UNC5C: variants seen among roughly 807,000 people sequenced by gnomAD.
UNC5C encodes the protein unc-5 netrin receptor C, also known as netrin receptor UNC5C.
Under a neutral mutation model 99.8 loss-of-function variants are expected in UNC5C, and 47 were observed. That is an observed-to-expected ratio of 0.47 (90% CI 0.37 to 0.60). UNC5C has a LOEUF of 0.60. UNC5C is among the 20% of genes least tolerant of loss of function. UNC5C has a pLI of 0.00. For missense variants in UNC5C, 1,062 were observed against 1,165.9 expected (o/e 0.91, Z 1.30); for synonymous variants, 487 against 452.2 (o/e 1.08, Z -0.98).
chr4:95,374,712 G>A (rs931206974), intron 1 of UNC5C, among the ~76,000 whole-genome samples: 1 of 152,142 alleles, frequency 6.6e-6, no homozygotes, highest in African/African-American at 2.4e-5. Flanking sequence ...GGACCCTCTG[G>A]AGAGGGAGGC....
chr4:95,379,899 T>C (rs181219832), intron 1 of UNC5C, among the ~76,000 whole-genome samples: 1 of 151,958 alleles, frequency 6.6e-6, no homozygotes, highest in Non-Finnish European at 1.5e-5. Flanking sequence ...TAGAGAAGGG[T>C]TGTTAGTTTG....
At chr4:95,399,750 T>C (rs930952922) in intron 1 of UNC5C, among the ~76,000 whole-genome samples, 2 of 152,224 alleles carry the variant, frequency 1.3e-5, no homozygotes, top group African/African-American at 4.8e-5. Flanking sequence ...TTCAAAGTAC[T>C]TTTTCTTATT....
At chr4:95,365,497 T>C (rs866389385) in intron 1 of UNC5C, among the ~76,000 whole-genome samples, 1 of 150,470 alleles carries the variant, frequency 6.6e-6, no homozygotes. Context: ...TTAAAATATA[T>C]CACTAAAAGT....
chr4:95,315,339 C>T (rs1481832534), intron 2 of UNC5C, among the ~76,000 whole-genome samples: 1 of 152,148 alleles, frequency 6.6e-6, no homozygotes, highest in Non-Finnish European at 1.5e-5. Context: ...TTCAGGGCAG[C>T]TCTTCCTGCC....
chr4:95,236,579 T>A (rs1291201921), intron 7 of UNC5C, among the ~76,000 whole-genome samples: 2 of 144,562 alleles, frequency 1.4e-5, no homozygotes, highest in Admixed American at 7.1e-5. Context: ...ACTTAAAGTA[T>A]AATAATAAAA....
rs1464583952 is a variant in UNC5C at position 95,219,091 on chromosome 4, G to A, written c.1523C>T (p.Ser508Leu). Residue 508 changes from serine (S) to leucine (L), a missense_variant, in exon 9 of 16, where the codon TCG becomes TTG. Ser to Leu is a moderately radical substitution (Grantham distance 145). Around this residue, in one of 3 missense-constraint regions of UNC5C, gnomAD observed 810 missense variants for 854.5 expected, o/e 0.95. Transcript: ENST00000453304. Reference sequence around the variant, plus strand: ...GCTGAGGGCTTCATTCTCCAACAACGACTGGGTCATCTGAGGGGACAGCTT... The same window carrying A: ...GCTGAGGGCTTCATTCTCCAACAACAACTGGGTCATCTGAGGGGACAGCTT... ...TSKLSPQMTQ[S>L]LLENEALSLK... is the part of the protein sequence containing the mutation. 21 of 1,614,102 alleles carry A rather than the reference G, an allele frequency of 1.3e-5. No individual in the cohort carries two copies. The highest frequency in any genetic ancestry group is 8.9e-5 in the East Asian group (4 of 44,870).
chr4:95,422,040 T>G (rs573231116), intron 1 of UNC5C, among the ~76,000 whole-genome samples: 1 of 152,160 alleles, frequency 6.6e-6, no homozygotes. Flanking sequence ...TGCTGACTGG[T>G]CCCAAGACAG....
intron 1 of UNC5C, among the ~76,000 whole-genome samples, chr4:95,444,234 G>C (rs891649486): frequency 6.6e-6 from 1 of 152,114 alleles, no homozygotes; most frequent in African/African-American, 2.4e-5. Context: ...TTCACCATGG[G>C]GTCTTGGAAG....
chr4:95,304,562 T>C (rs1741987865), intron 2 of UNC5C, among the ~76,000 whole-genome samples: 1 of 151,828 alleles, frequency 6.6e-6, no homozygotes, highest in African/African-American at 2.4e-5. Context: ...CCCCATATCT[T>C]TCTCTCTCTC....
intron 1 of UNC5C, among the ~76,000 whole-genome samples, chr4:95,418,210 C>T (rs1401537687): frequency 6.6e-6 from 1 of 152,228 alleles, no homozygotes; most frequent in Non-Finnish European, 1.5e-5. Context: ...CTCATATTTT[C>T]ACAGCCTTAG....
chr4:95,335,496 G>A lies in UNC5C; in HGVS notation c.260C>T (p.Pro87Leu). The change falls in exon 2 of 16, where the codon CCT (proline) becomes CTT (leucine). Residue 87 changes from proline (P) to leucine (L), a missense_variant. Around this residue, in one of 3 missense-constraint regions of UNC5C, gnomAD observed 249 missense variants for 295.1 expected, o/e 0.84. Coordinates refer to ENST00000453304, the MANE Select transcript of UNC5C (RefSeq NM_003728.4). Reference protein sequence around the residue: ...KPVNLYCKASPATQIYFKCNS... With the variant: ...KPVNLYCKASLATQIYFKCNS... ...ACACTTGAAATAGATCTGGGTGGCA[G>A]GGCTTGCTTTACAGTACAGGTTCAC... The A allele has an allele frequency of 1.2e-6, 2 of 1,612,462 alleles. No individual in the cohort carries two copies. The highest frequency in any genetic ancestry group is 1.7e-6 in the Non-Finnish European group (2 of 1,178,954).
At chr4:95,220,406 G>A (rs1738428859) in intron 7 of UNC5C, among the ~76,000 whole-genome samples, 2 of 152,036 alleles carry the variant, frequency 1.3e-5, no homozygotes, top group African/African-American at 2.4e-5. Context: ...TTATAATTGG[G>A]CAGCATAACA....
intron 1 of UNC5C, among the ~76,000 whole-genome samples, chr4:95,354,855 C>T (rs969809994): frequency 6.6e-6 from 1 of 152,032 alleles, no homozygotes; most frequent in African/African-American, 2.4e-5. Context: ...CATTTTCTAT[C>T]TCTCTCCCAC....
At chr4:95,520,604 T>A (rs933718018) in intron 1 of UNC5C, among the ~76,000 whole-genome samples, 26 of 149,254 alleles carry the variant, frequency 1.7e-4, no homozygotes, top group African/African-American at 5.4e-4. Flanking sequence ...GTATTTTTTT[T>A]TTTTTTTTTT....
intron 1 of UNC5C, among the ~76,000 whole-genome samples, chr4:95,475,883 C>T (rs919284426): frequency 1.3e-5 from 2 of 152,080 alleles, no homozygotes; most frequent in Non-Finnish European, 2.9e-5. Flanking sequence ...AGCAGGTCCT[C>T]GCTACATCTT....
At chr4:95,548,661 T>C in intron 1 of UNC5C, 73 bp downstream of exon 1, 1 of 1,536,116 alleles carries the variant, frequency 6.5e-7, no homozygotes, top group Non-Finnish European at 8.8e-7. Context: ...TCAAGAGAAC[T>C]GGGGAGGAGG....
intron 3 of UNC5C, among the ~76,000 whole-genome samples, chr4:95,297,318 T>C (rs1560775058): frequency 6.6e-6 from 1 of 152,152 alleles, no homozygotes; most frequent in African/African-American, 2.4e-5. Flanking sequence ...TTCACAGTAT[T>C]TCATGGAGAT....
chr4:95,331,709 G>A (rs1164955476), intron 2 of UNC5C, among the ~76,000 whole-genome samples: 1 of 152,002 alleles, frequency 6.6e-6, no homozygotes. Context: ...ATTCATTGAT[G>A]TATGTAATAT....
At chr4:95,206,458 G>A (rs75083968) in intron 11 of UNC5C, among the ~76,000 whole-genome samples, 170 bp downstream of exon 11, 3,810 of 152,164 alleles carry the variant, frequency 0.025, 85 homozygotes, top group African/African-American at 0.041. Flanking sequence ...CTGTCAATCA[G>A]AAGATATAAC....
Sources: allele counts gnomAD v4.1 joint callset (sites outside exome capture counted in the v4.1 genomes callset), GRCh38; gene constraint gnomAD v4.1.1; regional missense constraint gnomAD v4.1.1; transcripts MANE v1.5; gene names NCBI Gene and HGNC (gene_info 2026-07-23, HGNC 2026-07-21).